WDR33: variants seen among roughly 807,000 people sequenced by gnomAD.
WDR33 encodes WD repeat domain 33, also known as pre-mRNA 3' end processing protein WDR33.
A neutral mutation model predicts 164.9 loss-of-function variants in WDR33; 47 were observed. The ratio of observed to expected loss-of-function variants is 0.29; its 90% CI spans 0.23 to 0.36. The LOEUF (loss-of-function observed/expected upper bound fraction) is 0.36, where lower values mean the gene tolerates loss of function less well. Among genes scored for constraint, WDR33 ranks in the 10% least tolerant of loss-of-function variants. The pLI, the probability that WDR33 is intolerant of heterozygous loss-of-function variation, is 1.00. For missense variants in WDR33, 1,137 were observed against 1,754.1 expected (o/e 0.65, Z 6.28); for synonymous variants, 505 against 589.0 (o/e 0.86, Z 2.06).
Position 127,735,607 on chromosome 2 carries a change from G to A in WDR33, c.725-8830C>T, listed in dbSNP as rs1481687114. The stretch of plus-strand genomic sequence containing the variant: ...ACAGAACTGTTACTCAAGAAAATGT[G>A]TTAAACATTAACAGCAAACTCAGGC... On this transcript the variant is annotated intron_variant, in intron 7 of 21. Transcript: ENST00000322313. This position sits in a 1 kb window ranked among gnomAD's most constrained non-coding sequence, Gnocchi z 4.3. 9 of 985,802 alleles carry A rather than the reference G, an allele frequency of 9.1e-6. No individual in the cohort carries two copies. Among genetic ancestry groups the A allele is most frequent in the Non-Finnish European group, 1.1e-5 (9 of 829,914 alleles). 61.1% of individuals were successfully genotyped at this position (985,802 alleles called of 1,614,324 possible). A position where few individuals can be genotyped will look rare whatever the true frequency, so the allele number is the denominator to read the frequency against.
rs777611364 is a variant in WDR33 at position 127,701,792 on chromosome 2, ACT to A, written c.*4529_*4530del. On this transcript the variant is annotated 3_prime_UTR_variant, in exon 22 of 22. Coordinates refer to ENST00000322313, the MANE Select transcript of WDR33 (RefSeq NM_018383.5). ...GCGGCGGGTGCCTGCTGCTGGCTGC[ACT>A]GTGTTTCGGCCTAGCCGCGCTCTAC... 158 of 1,451,424 alleles carry A rather than the reference ACT, an allele frequency of 1.1e-4. 3 individuals are homozygous for A. The South Asian group carries it at 1.9e-3, about 17-fold the overall frequency. The allele number at this position is 1,451,424 out of a possible 1,614,324, so 89.9% of individuals were successfully genotyped here.
At chr2:127,739,158 T>C (rs935162153) in intron 7 of WDR33, among the ~76,000 whole-genome samples, 1 of 152,236 alleles carries the variant, frequency 6.6e-6, no homozygotes, top group Non-Finnish European at 1.5e-5. Flanking sequence ...CCATGTTCTT[T>C]TTCTTTATTG....
intron 7 of WDR33, among the ~76,000 whole-genome samples, chr2:127,728,073 A>C (rs947149719): frequency 6.6e-6 from 1 of 152,232 alleles, no homozygotes; most frequent in African/African-American, 2.4e-5. Flanking sequence ...AGTATGAGAA[A>C]GTACATCTCC....
intron 1 of WDR33, among the ~76,000 whole-genome samples, chr2:127,806,807 T>A (rs1432691786): frequency 3.3e-5 from 5 of 152,144 alleles, no homozygotes; most frequent in African/African-American, 9.6e-5. Context: ...TAGAAAAGCG[T>A]AGGAAAAAGC....
intron 1 of WDR33, among the ~76,000 whole-genome samples, chr2:127,809,536 A>C (rs1334705647): frequency 6.7e-6 from 1 of 148,534 alleles, no homozygotes; most frequent in Non-Finnish European, 1.5e-5. Context: ...CCGGGGTTCA[A>C]GTGATTCTCT....
At chr2:127,769,508 T>C (rs1181063331) in intron 2 of WDR33, among the ~76,000 whole-genome samples, 4 of 152,084 alleles carry the variant, frequency 2.6e-5, no homozygotes, top group Non-Finnish European at 5.9e-5. Flanking sequence ...TCCAAGATAC[T>C]GTCGACTCCA....
intron 7 of WDR33, among the ~76,000 whole-genome samples, chr2:127,732,015 G>A (rs1008640879): frequency 3.3e-4 from 50 of 152,000 alleles, no homozygotes; most frequent in Non-Finnish European, 6.3e-4. Flanking sequence ...TTGAGCCTGG[G>A]AGGTCAAGGC....
At chr2:127,780,711 C>T (rs1406413279) in intron 1 of WDR33, among the ~76,000 whole-genome samples, 1 of 152,044 alleles carries the variant, frequency 6.6e-6, no homozygotes, top group Non-Finnish European at 1.5e-5. Context: ...TAAACTTTCA[C>T]CTCCAGTCCC....
In WDR33 at chr2:127,714,133, C is replaced by T; in HGVS notation, c.2870-112G>A. 8.2e-7 allele frequency: 1 copy of T among 1,218,096 alleles called. No individual in the cohort carries two copies. The highest frequency in any genetic ancestry group is 1.1e-6 in the Non-Finnish European group (1 of 920,452). The allele number at this position is 1,218,096 out of a possible 1,614,324, so 75.5% of individuals were successfully genotyped here. ...TACATTCTTTATTGAGAATGTTTTC[C>T]CTCCTTGGTTCTCAGCTTAGTTAGG... On this transcript the variant is annotated intron_variant, in intron 17 of 21. Coordinates refer to ENST00000322313, the MANE Select transcript of WDR33 (RefSeq NM_018383.5). This position sits in a 1 kb window ranked among gnomAD's most constrained non-coding sequence, Gnocchi z 4.3.
intron 1 of WDR33, among the ~76,000 whole-genome samples, chr2:127,806,502 C>G (rs1432822865): frequency 6.6e-6 from 1 of 152,058 alleles, no homozygotes; most frequent in Admixed American, 6.6e-5. Context: ...CCACTGCGCC[C>G]GGCCTCTCTT....
chr2:127,800,739 T>C (rs1689208826), intron 1 of WDR33, among the ~76,000 whole-genome samples: 1 of 152,084 alleles, frequency 6.6e-6, no homozygotes, highest in Non-Finnish European at 1.5e-5. Flanking sequence ...ACAAAGCCTA[T>C]TTCTGTAAAC....
In WDR33 at chr2:127,714,170, C is replaced by G; in HGVS notation, c.2870-149G>C. The G allele has an allele frequency of 1.0e-6, 1 of 970,058 alleles. No individual in the cohort carries two copies. The highest frequency in any genetic ancestry group is 1.4e-6 in the Non-Finnish European group (1 of 697,572). The allele number at this position is 970,058 out of a possible 1,614,324, so 60.1% of individuals were successfully genotyped here. A position where few individuals can be genotyped will look rare whatever the true frequency, so the allele number is the denominator to read the frequency against. On this transcript the variant is annotated intron_variant, in intron 17 of 21. Coordinates refer to ENST00000322313, the MANE Select transcript of WDR33 (RefSeq NM_018383.5). This position sits in a 1 kb window ranked among gnomAD's most constrained non-coding sequence, Gnocchi z 4.3. ...TCAGCTTAGTTAGGAGACAAATGTC[C>G]CTGAAGCATTGGGTAATAGAACAGG...
chr2:127,706,179 C>G lies in WDR33; in HGVS notation c.*144G>C. ...GCAGCAGTCTCTTCATCTTGAAGAC[C>G]TCATTGAGGGTTCCTGGGATTCAGG... On this transcript the variant is annotated 3_prime_UTR_variant, in exon 22 of 22. Transcript: ENST00000322313. This position sits in a 1 kb window ranked among gnomAD's most constrained non-coding sequence, Gnocchi z 5.1. The G allele has an allele frequency of 1.4e-6, 1 of 698,922 alleles. No homozygotes were observed. Among genetic ancestry groups the G allele is most frequent in the Admixed American group, 3.3e-5 (1 of 30,234 alleles). The allele number at this position is 698,922 out of a possible 1,614,324, so 43.3% of individuals were successfully genotyped here. A position where few individuals can be genotyped will look rare whatever the true frequency, so the allele number is the denominator to read the frequency against.
intron 1 of WDR33, among the ~76,000 whole-genome samples, chr2:127,795,893 G>A (rs192193780): frequency 2.5e-4 from 38 of 151,874 alleles, no homozygotes; most frequent in African/African-American, 9.0e-4. Context: ...AGAAAATGGG[G>A]AGGGGAGAGC....
At chr2:127,736,110 C>T (rs765686006) in intron 7 of WDR33, 8 of 985,212 alleles carry the variant, frequency 8.1e-6, no homozygotes, top group Admixed American at 1.2e-4. Context: ...GCCTTCAGTC[C>T]TTTCAATATG....
intron 1 of WDR33, among the ~76,000 whole-genome samples, chr2:127,779,792 G>T (rs1381009028): frequency 6.6e-6 from 1 of 152,106 alleles, no homozygotes; most frequent in Non-Finnish European, 1.5e-5. Flanking sequence ...ACCAGAATTT[G>T]ATCCAATTAT....
intron 7 of WDR33, among the ~76,000 whole-genome samples, chr2:127,760,342 G>C (rs1476289853): frequency 6.6e-6 from 1 of 152,178 alleles, no homozygotes; most frequent in Non-Finnish European, 1.5e-5. Context: ...TTATCTACCT[G>C]ATGCCATAGA....
In WDR33 at chr2:127,706,508, G is replaced by A. The variant is rs1427773419; in HGVS notation, c.3826C>T (p.Arg1276Cys). ...GPAQRVPKSG[R>C]SSSLDGEHHD... The stretch of plus-strand genomic sequence containing the variant: ...TGCTCTCCGTCTAAGGAGCTGGAAC[G>A]CCCAGATTTGGGCACTCTCTGAGCA... The change falls in exon 22 of 22, where the codon CGT becomes TGT. Residue 1276 changes from arginine (R) to cysteine (C), a missense_variant. Around this residue, in one of 9 missense-constraint regions of WDR33, gnomAD observed 867 missense variants for 1,073.0 expected, o/e 0.81. Transcript: ENST00000322313. The surrounding 1 kb of genome is among the most constrained non-coding windows in gnomAD (Gnocchi z 5.1). 9.3e-6 allele frequency: 15 copies of A among 1,613,148 alleles called. No individual in the cohort carries two copies. Among genetic ancestry groups the A allele is most frequent in the Non-Finnish European group, 1.1e-5 (13 of 1,179,604 alleles).
intron 4 of WDR33, among the ~76,000 whole-genome samples, chr2:127,766,073 A>T (rs1687812311): frequency 6.6e-6 from 1 of 152,172 alleles, no homozygotes; most frequent in Non-Finnish European, 1.5e-5. Context: ...ATATTTTTAC[A>T]TCAGTATTTT....
Sources: gnomAD v4.1 joint callset for allele counts (sites outside exome capture counted in the v4.1 genomes callset) on GRCh38, gnomAD v4.1.1 for gene constraint, gnomAD v4.1.1 regional missense constraint, Gnocchi (gnomAD v3.1) non-coding constraint, MANE v1.5 for transcripts, NCBI Gene and HGNC (gene_info 2026-07-23, HGNC 2026-07-21) for gene names.